ITGBL1: variants seen among roughly 807,000 people sequenced by gnomAD.
ITGBL1 encodes integrin subunit beta like 1.
In ITGBL1, 51 loss-of-function variants were observed where a neutral mutation model predicts 68.5. That is an observed-to-expected ratio of 0.74 (90% CI 0.59 to 0.94). The LOEUF (loss-of-function observed/expected upper bound fraction) is 0.94, where lower values mean the gene tolerates loss of function less well. Ranked by LOEUF, ITGBL1 falls within the 40% of genes least tolerant of loss-of-function variation. ITGBL1 has a pLI of 0.00. For missense variants in ITGBL1, 649 were observed against 647.4 expected (o/e 1.00, Z -0.03); for synonymous variants, 209 against 227.3 (o/e 0.92, Z 0.72).
At chr13:101,669,113 TA>T (rs140112067) in intron 7 of ITGBL1, among the ~76,000 whole-genome samples, 2,260 of 147,908 alleles carry the variant, frequency 0.015, 57 homozygotes, top group African/African-American at 0.051. Flanking sequence ...CCTTTTTCGT[TA>T]AAAAAAAAAG....
intron 6 of ITGBL1, among the ~76,000 whole-genome samples, chr13:101,586,806 C>T (rs2050565182): frequency 6.6e-6 from 1 of 152,152 alleles, no homozygotes; most frequent in South Asian, 2.1e-4. Flanking sequence ...TGCAGTATTT[C>T]ATCATTCTTA....
At chr13:101,497,189 C>T (rs1448058587) in intron 2 of ITGBL1, among the ~76,000 whole-genome samples, 4 of 152,196 alleles carry the variant, frequency 2.6e-5, no homozygotes, top group African/African-American at 9.7e-5. Context: ...AGTAAATTTA[C>T]CTGACAATCA....
intron 6 of ITGBL1, among the ~76,000 whole-genome samples, chr13:101,585,096 C>A (rs956776990): frequency 2.6e-5 from 4 of 152,012 alleles, no homozygotes; most frequent in African/African-American, 9.7e-5. Flanking sequence ...AACTGGGGGG[C>A]TTTTTACCTT....
chr13:101,527,331 T>C (rs993743462), intron 2 of ITGBL1, among the ~76,000 whole-genome samples: 1 of 152,158 alleles, frequency 6.6e-6, no homozygotes, highest in Admixed American at 6.5e-5. Flanking sequence ...TCCTATAATG[T>C]AATATAAAAG....
At chr13:101,504,104 C>T (rs778209052) in intron 2 of ITGBL1, among the ~76,000 whole-genome samples, 16 of 152,046 alleles carry the variant, frequency 1.1e-4, no homozygotes, top group Non-Finnish European at 1.8e-4. Flanking sequence ...CATATTTTTG[C>T]TAAATGTTGG....
intron 2 of ITGBL1, among the ~76,000 whole-genome samples, chr13:101,458,851 G>T (rs567359494): frequency 6.6e-6 from 1 of 152,134 alleles, no homozygotes; most frequent in South Asian, 2.1e-4. Context: ...AGATATGGAG[G>T]CCCGACCGTA....
intron 7 of ITGBL1, among the ~76,000 whole-genome samples, chr13:101,627,809 G>T (rs113969502): frequency 7.4e-4 from 112 of 152,254 alleles, no homozygotes; most frequent in African/African-American, 2.6e-3. Context: ...GAGTAATACT[G>T]CCTTGTCTGA....
chr13:101,681,153 G>A (rs2033630538), intron 7 of ITGBL1, among the ~76,000 whole-genome samples: 1 of 152,154 alleles, frequency 6.6e-6, no homozygotes, highest in African/African-American at 2.4e-5. Context: ...TGTGAGCCCT[G>A]CTAAACCTAT....
At chr13:101,648,519 A>G (rs1025902212) in intron 7 of ITGBL1, among the ~76,000 whole-genome samples, 1 of 152,196 alleles carries the variant, frequency 6.6e-6, no homozygotes, top group African/African-American at 2.4e-5. Context: ...GCCTGATAGC[A>G]CCACTTGTAT....
intron 2 of ITGBL1, among the ~76,000 whole-genome samples, chr13:101,548,648 A>T (rs1594883412): frequency 6.6e-6 from 1 of 151,868 alleles, no homozygotes; most frequent in East Asian, 1.9e-4. Flanking sequence ...TAACAAAATA[A>T]GTAAAAAATT....
chr13:101,587,551 G>A (rs534663225), intron 6 of ITGBL1, among the ~76,000 whole-genome samples: 18 of 152,148 alleles, frequency 1.2e-4, no homozygotes, highest in Non-Finnish European at 1.8e-4. Flanking sequence ...CCTAATGGCC[G>A]CTTACCACTC....
At chr13:101,720,425 AAAAT>A (rs1489373793), downstream of ITGBL1, 1 of 152,148 alleles carries the variant, frequency 6.6e-6, no homozygotes, top group Non-Finnish European at 1.5e-5. Flanking sequence ...GTCATTTACA[AAAAT>A]AAATCTTGTC....
At chr13:101,603,685 C>CT (rs199662893) in intron 7 of ITGBL1, among the ~76,000 whole-genome samples, 46 of 98,636 alleles carry the variant, frequency 4.7e-4, no homozygotes, top group East Asian at 1.4e-3. Flanking sequence ...ACCACTGTCT[C>CT]TTTTTTAAAA....
At chr13:101,600,606 C>CA (rs1420467203) in intron 7 of ITGBL1, among the ~76,000 whole-genome samples, 2 of 152,118 alleles carry the variant, frequency 1.3e-5, no homozygotes, top group Non-Finnish European at 2.9e-5. Context: ...TTTTGAGATA[C>CA]ATCCCATCAA....
chr13:101,574,425 C>T (rs2050322619), intron 3 of ITGBL1, among the ~76,000 whole-genome samples: 1 of 152,146 alleles, frequency 6.6e-6, no homozygotes, highest in African/African-American at 2.4e-5. Context: ...CTACTGGTCT[C>T]AGTTAAATCC....
intron 7 of ITGBL1, among the ~76,000 whole-genome samples, chr13:101,682,951 T>A (rs1594977802): frequency 6.6e-6 from 1 of 152,096 alleles, no homozygotes; most frequent in East Asian, 1.9e-4. Context: ...TACATTTGAA[T>A]GTTGAAACCC....
chr13:101,705,307 A>AAAC (rs574494914), intron 8 of ITGBL1, among the ~76,000 whole-genome samples: 7,267 of 144,624 alleles, frequency 0.05, 264 homozygotes, highest in South Asian at 0.066. Context: ...AAAAAAAAAA[A>AAAC]AACAACAACA....
In ITGBL1 at chr13:101,567,803, C is replaced by A. The variant is rs1488063968; in HGVS notation, c.421C>A (p.Gln141Lys). 1.2e-6 allele frequency: 2 copies of A among 1,613,120 alleles called. No homozygotes were observed. The highest frequency in any genetic ancestry group is 1.7e-6 in the Non-Finnish European group (2 of 1,179,408). The change falls in exon 3 of 11, where the codon CAA (glutamine) becomes AAA (lysine). Residue 141 changes from glutamine (Q) to lysine (K), a missense_variant. Physicochemically the swap from Gln to Lys is moderately conservative, Grantham distance 53 (BLOSUM62 1). Transcript: ENST00000376180. ...TGACTTGACAAAGAAGAAAAGTAAC[C>A]AAATGTGCAAGAATTCACAAGACAT... ...NCDLTKKKSN[Q>K]MCKNSQDIIC...
chr13:101,467,935 C>T (rs183334958), intron 2 of ITGBL1, among the ~76,000 whole-genome samples: 3 of 152,012 alleles, frequency 2.0e-5, no homozygotes, highest in East Asian at 1.9e-4. Context: ...ACTTCTCTTA[C>T]GGCAAGGTAT....
Sources: allele counts gnomAD v4.1 joint callset (sites outside exome capture counted in the v4.1 genomes callset), GRCh38; gene constraint gnomAD v4.1.1; transcripts MANE v1.5; gene names NCBI Gene and HGNC (gene_info 2026-07-23, HGNC 2026-07-21).